The following NDUFA10 variants were observed in gnomAD, a reference collection of about 807,000 sequenced individuals.
NDUFA10 encodes the protein NADH dehydrogenase [ubiquinone] 1 alpha subcomplex subunit 10, mitochondrial.
In NDUFA10, 40 loss-of-function variants were observed where a neutral mutation model predicts 47.8. The ratio of observed to expected loss-of-function variants is 0.84; its 90% confidence interval spans 0.65 to 1.09. The LOEUF is 1.09. Ranked by LOEUF, NDUFA10 falls within the 50% of genes least tolerant of loss-of-function variation. NDUFA10 has a pLI of 0.00. For missense variants in NDUFA10, 413 were observed against 451.1 expected (o/e 0.92, Z 0.76); for synonymous variants, 183 against 172.2 (o/e 1.06, Z -0.49).
intron 4 of NDUFA10, among the ~76,000 whole-genome samples, chr2:239,947,533 G>A (rs1028106227): frequency 3.9e-5 from 6 of 152,132 alleles, no homozygotes; most frequent in African/African-American, 1.4e-4. Context: ...AGTAAGCCCC[G>A]CCCTCTCTGC....
At chr2:239,942,249 G>T (rs1484291629) in intron 4 of NDUFA10, among the ~76,000 whole-genome samples, 1 of 152,230 alleles carries the variant, frequency 6.6e-6, no homozygotes, top group Non-Finnish European at 1.5e-5. Flanking sequence ...TGTTCACGCG[G>T]TAGTGTGCGC....
chr2:239,904,001 AT>A (rs1693600590), intron 4 of NDUFA10, among the ~76,000 whole-genome samples: 6 of 152,066 alleles, frequency 3.9e-5, no homozygotes, highest in Admixed American at 1.3e-4. Flanking sequence ...GACGCCCTGG[AT>A]GATGCAGGCG....
At chr2:240,003,294 C>T (rs111249132) in intron 8 of NDUFA10, among the ~76,000 whole-genome samples, 18 of 152,338 alleles carry the variant, frequency 1.2e-4, no homozygotes, top group African/African-American at 3.6e-4. Flanking sequence ...TAAGCACCAA[C>T]GGCCTAAGAA....
intron 8 of NDUFA10, among the ~76,000 whole-genome samples, chr2:240,000,577 A>C (rs1203702895): frequency 6.6e-6 from 1 of 152,200 alleles, no homozygotes; most frequent in Non-Finnish European, 1.5e-5. Context: ...CTAATTGTAC[A>C]TTGTTTACAA....
At position 239,980,578 on chromosome 2, in the gene NDUFA10, G is replaced by C. The variant is rs1000589317; in HGVS notation, c.999+9496C>G. Among the ~76,000 whole-genome samples the C allele has an allele frequency of 4.6e-5, 7 of 152,178 alleles. 1 individual carries two copies. In the South Asian group the frequency reaches 8.3e-4, roughly 18 times the overall value. ...CACAGAATGGCTACAGAAAGAACCA[G>C]CACCAAAACAGGGTTTCCAGTTATA... On this transcript the variant is annotated intron_variant, in intron 9 of 9. Coordinates refer to ENST00000252711, the MANE Select transcript of NDUFA10 (RefSeq NM_004544.4).
At chr2:239,950,634 C>A (rs1694535578) in intron 4 of NDUFA10, among the ~76,000 whole-genome samples, 1 of 152,250 alleles carries the variant, frequency 6.6e-6, no homozygotes, top group African/African-American at 2.4e-5. Context: ...AGCAAACCAA[C>A]TGCTGATTGA....
intron 4 of NDUFA10, among the ~76,000 whole-genome samples, chr2:239,923,169 A>G (rs1375135900): frequency 6.6e-6 from 1 of 152,250 alleles, no homozygotes; most frequent in African/African-American, 2.4e-5. Flanking sequence ...TTCATAATAC[A>G]TAACACAAAA....
Position 240,021,375 on chromosome 2 carries a change from T to C in NDUFA10, c.282A>G (p.Pro94=). Residue 94 remains proline (P), a synonymous_variant, in exon 3 of 10, where the codon CCA becomes CCG. Coordinates refer to ENST00000252711, the MANE Select transcript of NDUFA10 (RefSeq NM_004544.4). The part of the protein sequence containing the change: ...KHFPEAGIHY[P]DSTTGDGKPL... Reference sequence around the variant, plus strand: ...GCTTCCCATCTCCTGTGGTACTGTCTGGATAATGAATCCCCGCTTCAGGAA... The same window carrying C: ...GCTTCCCATCTCCTGTGGTACTGTCCGGATAATGAATCCCCGCTTCAGGAA... 1 of 1,614,228 alleles carries C rather than the reference T, an allele frequency of 6.2e-7. No homozygotes were observed. Among genetic ancestry groups the C allele is most frequent in the Non-Finnish European group, 8.5e-7 (1 of 1,180,042 alleles).
intron 4 of NDUFA10, among the ~76,000 whole-genome samples, chr2:239,913,882 GT>G (rs1693795875): frequency 6.6e-6 from 1 of 152,212 alleles, no homozygotes; most frequent in African/African-American, 2.4e-5. Flanking sequence ...GCAGGAGGAC[GT>G]GGCCAAGAGC....
In NDUFA10 at chr2:239,957,392, T is replaced by C. The variant is rs1256042908; in HGVS notation, c.*3726A>G. ...TATAGTCTCATTAAAAACATGTTTATTCAATGAAACTACATAGCACTAAAA... is the reference window on the plus strand; with the variant it reads ...TATAGTCTCATTAAAAACATGTTTACTCAATGAAACTACATAGCACTAAAA... On this transcript the variant is annotated 3_prime_UTR_variant, in exon 10 of 10. Transcript: ENST00000252711. 6.6e-6 allele frequency: 1 copy of C among 152,234 alleles called. No individual in the cohort carries two copies. The highest frequency in any genetic ancestry group is 1.9e-4 in the East Asian group (1 of 5,198). The allele number at this position is 152,234 out of a possible 1,614,324, so 9.4% of individuals were successfully genotyped here.
intron 9 of NDUFA10, among the ~76,000 whole-genome samples, chr2:239,975,578 T>C (rs1695485569): frequency 6.6e-6 from 1 of 152,208 alleles, no homozygotes; most frequent in Non-Finnish European, 1.5e-5. Context: ...TAGTGTCTTC[T>C]TGTGGCAACA....
chr2:240,017,588 T>C (rs1054836012), intron 4 of NDUFA10, among the ~76,000 whole-genome samples: 2 of 152,182 alleles, frequency 1.3e-5, no homozygotes, highest in African/African-American at 2.4e-5. Flanking sequence ...CTTAAGTTTC[T>C]TCATATTCAT....
chr2:239,964,768 T>C (rs865987967), intron 9 of NDUFA10, among the ~76,000 whole-genome samples: 1 of 152,202 alleles, frequency 6.6e-6, no homozygotes, highest in Non-Finnish European at 1.5e-5. Flanking sequence ...ACGGTAACGC[T>C]GTAGTTGGTT....
intron 8 of NDUFA10, among the ~76,000 whole-genome samples, chr2:239,998,124 A>C (rs929193975): frequency 6.6e-6 from 1 of 152,246 alleles, no homozygotes; most frequent in Non-Finnish European, 1.5e-5. Context: ...TGGTGGCAGA[A>C]GCGCAGGTGA....
intron 4 of NDUFA10, among the ~76,000 whole-genome samples, chr2:239,911,505 C>T (rs887006073): frequency 3.3e-5 from 5 of 152,116 alleles, no homozygotes; most frequent in African/African-American, 1.2e-4. Context: ...GCTCAACATA[C>T]CCGGAAAAGG....
At chr2:239,994,292 T>C (rs1696377970) in intron 8 of NDUFA10, among the ~76,000 whole-genome samples, 1 of 152,062 alleles carries the variant, frequency 6.6e-6, no homozygotes, top group Non-Finnish European at 1.5e-5. Context: ...TTATAGCCGA[T>C]TCCCCTGCTC....
At chr2:239,944,124 G>T (rs1377544873) in intron 4 of NDUFA10, among the ~76,000 whole-genome samples, 1 of 152,190 alleles carries the variant, frequency 6.6e-6, no homozygotes, top group Non-Finnish European at 1.5e-5. Flanking sequence ...GAGCCACCCT[G>T]CCCCTGACCA....
intron 9 of NDUFA10, among the ~76,000 whole-genome samples, chr2:239,971,949 T>G (rs999134163): frequency 3.9e-5 from 6 of 152,158 alleles, no homozygotes; most frequent in Non-Finnish European, 5.9e-5. Context: ...AGCTATGAGA[T>G]TTCTTGGGTG....
intron 4 of NDUFA10, chr2:240,017,727 T>C (rs752615464): frequency 2.8e-6 from 3 of 1,059,782 alleles, no homozygotes; most frequent in Admixed American, 2.0e-5. Flanking sequence ...GCAGTGCTCT[T>C]GCGGGCGGCA....
Sources: gnomAD v4.1 joint callset for allele counts (sites outside exome capture counted in the v4.1 genomes callset) on GRCh38, gnomAD v4.1.1 for gene constraint, MANE v1.5 for transcripts, NCBI Gene and HGNC (gene_info 2026-07-23, HGNC 2026-07-21) for gene names.